KIAA1958: variants seen among roughly 807,000 people sequenced by gnomAD.
KIAA1958 encodes the protein KIAA1958, also known as uncharacterized protein KIAA1958.
In KIAA1958, 14 loss-of-function variants were observed where a neutral mutation model predicts 47.2. The ratio of observed to expected loss-of-function variants is 0.30; its 90% CI spans 0.20 to 0.46. KIAA1958 has a LOEUF of 0.46. Among genes scored for constraint, KIAA1958 ranks in the 20% least tolerant of loss-of-function variants. KIAA1958 has a pLI of 1.00. For missense variants in KIAA1958, 803 were observed against 909.2 expected (o/e 0.88, Z 1.50); for synonymous variants, 354 against 353.3 (o/e 1.00, Z -0.02).
At chr9:112,558,618 C>T (rs906820356) in intron 1 of KIAA1958, among the ~76,000 whole-genome samples, 5 of 152,150 alleles carry the variant, frequency 3.3e-5, no homozygotes. Context: ...TTCAGAGTTT[C>T]TAAAATATTT....
At chr9:112,522,859 T>A (rs1470568108) in intron 1 of KIAA1958, among the ~76,000 whole-genome samples, 2 of 152,278 alleles carry the variant, frequency 1.3e-5, no homozygotes, top group East Asian at 3.9e-4. Context: ...CAGGTGCTCA[T>A]TCCCATTGTG....
chr9:112,664,591 G>C lies in KIAA1958; in HGVS notation c.*4522G>C, dbSNP rs1837326645. ...AGTATGTATTAAATGTTTCAAACTT[G>C]TATATATTTTTGAATGCTTTTGTTT... On this transcript the variant is annotated 3_prime_UTR_variant, in exon 4 of 4. Transcript: ENST00000337530. 6.6e-6 allele frequency: 1 copy of C among 152,184 alleles called. No homozygotes were observed. The highest frequency in any genetic ancestry group is 1.5e-5 in the Non-Finnish European group (1 of 68,024). The allele number at this position is 152,184 out of a possible 1,614,324, so 9.4% of individuals were successfully genotyped here.
chr9:112,616,760 C>T (rs1374484460), intron 2 of KIAA1958, among the ~76,000 whole-genome samples: 2 of 151,796 alleles, frequency 1.3e-5, no homozygotes, highest in African/African-American at 4.9e-5. Context: ...TGTTAAGATC[C>T]TAAATTTAAA....
At chr9:112,597,026 T>C (rs56737604) in intron 2 of KIAA1958, among the ~76,000 whole-genome samples, 2,510 of 152,272 alleles carry the variant, frequency 0.016, 62 homozygotes, top group African/African-American at 0.056. Flanking sequence ...TCTCTTAAAA[T>C]TCATCAGATG....
intron 2 of KIAA1958, among the ~76,000 whole-genome samples, chr9:112,636,955 C>G (rs1338953501): frequency 6.6e-6 from 1 of 152,050 alleles, no homozygotes; most frequent in Non-Finnish European, 1.5e-5. Context: ...TCTTTTTTAT[C>G]CCATTTTCCT....
In KIAA1958 at chr9:112,648,295, G is replaced by A. The variant is rs77814432; in HGVS notation, c.1344+2473G>A. On this transcript the variant is annotated intron_variant, in intron 3 of 3. Transcript: ENST00000337530. ...AGGGAGAATCCAGTCAGAGCCCAGC[G>A]GACTTGCTGAATTAAGGAAATGGAG... 8.2e-3 allele frequency among the ~76,000 whole-genome samples: 1,255 copies of A among 152,210 alleles called. 23 individuals carry two copies. Among genetic ancestry groups the A allele is most frequent in the South Asian group, 0.061 (294 of 4,820 alleles).
chr9:112,517,372 A>G (rs1006462425), intron 1 of KIAA1958, among the ~76,000 whole-genome samples: 1 of 152,062 alleles, frequency 6.6e-6, no homozygotes, highest in East Asian at 1.9e-4. Context: ...TTTTTGAAAA[A>G]TTTTTTTTCA....
intron 1 of KIAA1958, among the ~76,000 whole-genome samples, chr9:112,501,355 A>T (rs145957295): frequency 1.3e-5 from 2 of 152,068 alleles, no homozygotes; most frequent in African/African-American, 4.8e-5. Context: ...AAATGGAAGG[A>T]TCACTTGAGC....
chr9:112,572,709 G>A (rs1835560580), intron 1 of KIAA1958, among the ~76,000 whole-genome samples: 1 of 152,226 alleles, frequency 6.6e-6, no homozygotes. Flanking sequence ...ATTCTCACCA[G>A]TAGGGGGTTT....
At chr9:112,547,077 C>T (rs532492939) in intron 1 of KIAA1958, among the ~76,000 whole-genome samples, 5 of 151,924 alleles carry the variant, frequency 3.3e-5, no homozygotes, top group Admixed American at 6.5e-5. Flanking sequence ...GGACCACAGG[C>T]GCATGCCACC....
Position 112,667,346 on chromosome 9 carries a change from G to A in KIAA1958, c.*7277G>A, listed in dbSNP as rs786959. 0.069 allele frequency: 10,494 copies of A among 152,348 alleles called. 494 individuals are homozygous for A. The highest frequency in any genetic ancestry group is 0.11 in the Non-Finnish European group (7,260 of 68,058). The allele number at this position is 152,348 out of a possible 1,614,324, so 9.4% of individuals were successfully genotyped here. On this transcript the variant is annotated 3_prime_UTR_variant, in exon 4 of 4. Transcript: ENST00000337530. ...AATCCAAGCACTTTGGGATGCCGAG[G>A]CAGGCAGATCATCTGAGGTCAGGAG... is the stretch of plus-strand genomic sequence containing the variant.
Position 112,574,511 on chromosome 9 carries a change from T to G in KIAA1958, c.431T>G (p.Leu144Arg). 1 of 1,614,178 alleles carries G rather than the reference T, an allele frequency of 6.2e-7. No homozygotes were observed. Among genetic ancestry groups the G allele is most frequent in the Non-Finnish European group, 8.5e-7 (1 of 1,180,024 alleles). The change falls in exon 2 of 4, where the codon CTG becomes CGG. Residue 144 changes from leucine (L) to arginine (R), a missense_variant. By Grantham distance (102) the Leu-to-Arg change is moderately radical (BLOSUM62 -2). Around this residue, in one of 2 missense-constraint regions of KIAA1958, gnomAD observed 761 missense variants for 829.3 expected, o/e 0.92. Transcript: ENST00000337530. ...GAAGAATATGAAGATGAGAACACCC[T>G]GTTTGACATGGTTTGTGAGTCTTCT... is the stretch of plus-strand genomic sequence containing the variant. ...TVEEYEDENT[L>R]FDMVCESSVT...
intron 1 of KIAA1958, among the ~76,000 whole-genome samples, chr9:112,515,845 A>C (rs1834421613): frequency 8.6e-6 from 1 of 115,752 alleles, no homozygotes; most frequent in African/African-American, 3.4e-5. Flanking sequence ...GACCCTGCCA[A>C]ATCCCCCTCT....
intron 2 of KIAA1958, among the ~76,000 whole-genome samples, chr9:112,634,778 T>C (rs1836775291): frequency 6.6e-6 from 1 of 152,202 alleles, no homozygotes; most frequent in Non-Finnish European, 1.5e-5. Context: ...TGGAATTCTG[T>C]TTATCCACTT....
intron 1 of KIAA1958, among the ~76,000 whole-genome samples, chr9:112,509,084 A>T (rs1436383735): frequency 8.0e-6 from 1 of 124,616 alleles, no homozygotes; most frequent in African/African-American, 2.6e-5. Context: ...GATACATTTA[A>T]TGTTTTTTTT....
At chr9:112,659,080 A>G (rs1837212114) in intron 3 of KIAA1958, among the ~76,000 whole-genome samples, 183 bp from the exon 4 acceptor site, 1 of 151,310 alleles carries the variant, frequency 6.6e-6, no homozygotes. Context: ...AGGTTTAAAG[A>G]GATTAGGTGG....
intron 2 of KIAA1958, among the ~76,000 whole-genome samples, chr9:112,615,669 GC>G (rs1389196012): frequency 1.3e-5 from 2 of 151,946 alleles, no homozygotes; most frequent in Non-Finnish European, 2.9e-5. Flanking sequence ...CCCCATTCAG[GC>G]CCCAAACACT....
chr9:112,572,487 G>T (rs774720545), intron 1 of KIAA1958, among the ~76,000 whole-genome samples: 1 of 152,160 alleles, frequency 6.6e-6, no homozygotes, highest in Non-Finnish European at 1.5e-5. Flanking sequence ...AAATTATTAG[G>T]TCTGAGAGAC....
intron 3 of KIAA1958, among the ~76,000 whole-genome samples, chr9:112,656,980 A>G (rs777842329): frequency 2.4e-4 from 36 of 152,146 alleles, no homozygotes; most frequent in Non-Finnish European, 2.8e-4. Flanking sequence ...CTCTCTTTAT[A>G]AAAAAGTCAG....
Sources: gnomAD v4.1 joint callset for allele counts (sites outside exome capture counted in the v4.1 genomes callset) on GRCh38, gnomAD v4.1.1 for gene constraint, gnomAD v4.1.1 regional missense constraint, MANE v1.5 for transcripts, NCBI Gene and HGNC (gene_info 2026-07-23, HGNC 2026-07-21) for gene names.